Variants in STAG2 observed in about 807,000 individuals in gnomAD.
STAG2 encodes cohesin subunit SA-2.
Under a neutral mutation model 108.1 loss-of-function variants are expected in STAG2, and 14 were observed. The ratio of observed to expected loss-of-function variants is 0.13; its 90% confidence interval spans 0.09 to 0.20. STAG2 has a LOEUF of 0.20. STAG2 is among the 10% of genes least tolerant of loss of function. The probability of loss-of-function intolerance (pLI) is 1.00; values close to 1 mark genes in which losing one functional copy is unlikely to be tolerated. For missense variants in STAG2, 440 were observed against 940.9 expected (o/e 0.47, Z 6.96); for synonymous variants, 307 against 302.7 (o/e 1.01, Z -0.15).
intron 30 of STAG2, among the ~76,000 whole-genome samples, 173 bp from the exon 31 acceptor site, chrX:124,090,402 G>A (rs1032676629): frequency 9.1e-6 from 1 of 109,673 alleles, no homozygotes; most frequent in African/African-American, 3.3e-5. Context: ...GTTTTGTGTC[G>A]CAACTAGACT....
Position 124,102,154 on chromosome X carries a change from G to T in STAG2, c.*1557G>T, listed in dbSNP as rs1003773053. 7.6e-5 allele frequency: 12 copies of T among 158,134 alleles called. No homozygotes were observed. The highest frequency in any genetic ancestry group is 1.4e-4 in the Non-Finnish European group (11 of 81,119). The allele number at this position is 158,134 out of a possible 1,213,427, so 13.0% of individuals were successfully genotyped here. A position where few individuals can be genotyped will look rare whatever the true frequency, so the allele number is the denominator to read the frequency against. On this transcript the variant is annotated 3_prime_UTR_variant, in exon 35 of 35. Coordinates refer to ENST00000371145, the MANE Select transcript of STAG2 (RefSeq NM_001042750.2). Reference sequence around the variant, plus strand: ...GATACAATTATTTTATTAAGTCATGGTTAATAACAAATGAATCCAGACTTG... The same window carrying T: ...GATACAATTATTTTATTAAGTCATGTTTAATAACAAATGAATCCAGACTTG...
chrX:124,063,805 C>G, intron 19 of STAG2, 43 bp from the exon 20 acceptor site: 1 of 1,139,451 alleles, frequency 8.8e-7, no homozygotes, highest in African/African-American at 1.8e-5. Flanking sequence ...TTATACCTAT[C>G]ATATATGCCT....
intron 10 of STAG2, among the ~76,000 whole-genome samples, chrX:124,049,353 C>G (rs897191288): frequency 2.7e-5 from 3 of 111,592 alleles, no homozygotes; most frequent in African/African-American, 9.8e-5. Context: ...ACTTAATTGC[C>G]TTTGGATGCA....
intron 3 of STAG2, among the ~76,000 whole-genome samples, chrX:124,023,357 AAG>A (rs1162319010): frequency 9.0e-6 from 1 of 111,407 alleles, no homozygotes; most frequent in Non-Finnish European, 1.9e-5. Flanking sequence ...TTGACTTGAA[AAG>A]AGAGTTTAGT....
chrX:124,087,376 A>G (rs1391948979), intron 30 of STAG2, among the ~76,000 whole-genome samples: 1 of 112,068 alleles, frequency 8.9e-6, no homozygotes, highest in Non-Finnish European at 1.9e-5. Context: ...CATAGTTGTC[A>G]AAATTTGTCC....
intron 29 of STAG2, among the ~76,000 whole-genome samples, chrX:124,086,091 C>T (rs937873873): frequency 3.6e-5 from 4 of 110,329 alleles, no homozygotes; most frequent in African/African-American, 9.9e-5. Flanking sequence ...TCCTTTCTTT[C>T]GTCACCTGTA....
At chrX:124,041,846 A>G (rs1359317930) in intron 6 of STAG2, among the ~76,000 whole-genome samples, 1 of 111,310 alleles carries the variant, frequency 9.0e-6, no homozygotes, top group Non-Finnish European at 1.9e-5. Flanking sequence ...TCCTTATCAA[A>G]TTGTTTCTCT....
chrX:124,021,644 G>GT (rs1187436357), intron 2 of STAG2, among the ~76,000 whole-genome samples: 2 of 111,775 alleles, frequency 1.8e-5, no homozygotes, highest in Admixed American at 1.9e-4. Flanking sequence ...TAAATTGATC[G>GT]TAAGTTCCTT....
At chrX:124,063,034 G>T in intron 18 of STAG2, 40 bp downstream of exon 18, 1 of 1,177,143 alleles carries the variant, frequency 8.5e-7, no homozygotes, top group Non-Finnish European at 1.2e-6. Flanking sequence ...TAAGAAATGA[G>T]TTTTTTTTCC....
At chrX:124,061,969 TTTTA>T (rs2058393352) in intron 17 of STAG2, 95 bp downstream of exon 17, 5 of 707,751 alleles carry the variant, frequency 7.1e-6, no homozygotes, top group Non-Finnish European at 1.0e-5. Flanking sequence ...AACAATTTTG[TTTTA>T]TTTTTCAGAC....
Position 124,022,588 on chromosome X carries a change from A to G in STAG2, c.-40A>G. 1 of 1,104,828 alleles carries G rather than the reference A, an allele frequency of 9.1e-7. No homozygotes were observed. Among genetic ancestry groups the G allele is most frequent in the Non-Finnish European group, 1.2e-6 (1 of 822,738 alleles). The allele number at this position is 1,104,828 out of a possible 1,213,427, so 91.1% of individuals were successfully genotyped here. A position where few individuals can be genotyped will look rare whatever the true frequency, so the allele number is the denominator to read the frequency against. On this transcript the variant is annotated 5_prime_UTR_variant, in exon 3 of 35. In the 5' UTR this introduces an upstream ATG that the reference lacks. Coordinates refer to ENST00000371145, the MANE Select transcript of STAG2 (RefSeq NM_001042750.2). ...ATTTTACCCACGTAAATATATGAATATATTTCTGACATTGAGGTGTTCCAG... is the reference window on the plus strand; with the variant it reads ...ATTTTACCCACGTAAATATATGAATGTATTTCTGACATTGAGGTGTTCCAG...
chrX:124,059,844 G>A (rs773118422), intron 15 of STAG2, among the ~76,000 whole-genome samples: 3 of 109,547 alleles, frequency 2.7e-5, no homozygotes, highest in East Asian at 5.8e-4. Context: ...TTAGAATTTT[G>A]TAGACAGTAG....
intron 1 of STAG2, among the ~76,000 whole-genome samples, chrX:123,986,168 ATG>A (rs1395376254): frequency 1.9e-5 from 2 of 106,924 alleles, no homozygotes; most frequent in Non-Finnish European, 3.8e-5. Context: ...TATGATACAT[ATG>A]TGATACATAT....
chrX:124,097,590 T>C (rs770978627), intron 34 of STAG2: 3 of 239,064 alleles, frequency 1.3e-5, no homozygotes, highest in Non-Finnish European at 2.6e-5. Flanking sequence ...GACTATCACT[T>C]TGAAATGAAA....
chrX:124,097,206 TAGA>T (rs1361761069), intron 34 of STAG2, among the ~76,000 whole-genome samples: 1 of 64,217 alleles, frequency 1.6e-5, no homozygotes, highest in African/African-American at 6.0e-5. Context: ...AAAAAAAAAG[TAGA>T]ATCTGCTTCA....
chrX:124,006,561 C>T (rs934420777), intron 1 of STAG2, among the ~76,000 whole-genome samples: 1 of 108,645 alleles, frequency 9.2e-6, no homozygotes, highest in Non-Finnish European at 1.9e-5. Flanking sequence ...GCCTCAGCCT[C>T]CCGAGTAGCT....
intron 14 of STAG2, among the ~76,000 whole-genome samples, chrX:124,056,589 C>T (rs181828235): frequency 0.011 from 1,151 of 107,723 alleles, 10 homozygotes; most frequent in African/African-American, 0.036. Flanking sequence ...AAAAATCAGC[C>T]GGGCCTGGTG....
intron 1 of STAG2, among the ~76,000 whole-genome samples, chrX:123,988,341 TTTC>T (rs781522876): frequency 1.1e-4 from 12 of 111,837 alleles, no homozygotes; most frequent in African/African-American, 2.3e-4. Flanking sequence ...ATTTTATTAT[TTTC>T]TTCTTCTTCT....
Position 124,057,984 on chromosome X carries a change from T to C in STAG2, c.1416+7T>C. ...TTTCTTTCTAGAAAGTGAGGTTAGT[T>C]GATAGTATTTATTTTATACTTAGGT... On this transcript the variant is annotated splice_region_variant and intron_variant, in intron 15 of 34. Coordinates refer to ENST00000371145, the MANE Select transcript of STAG2 (RefSeq NM_001042750.2). The C allele has an allele frequency of 8.8e-7, 1 of 1,136,169 alleles. No individual in the cohort carries two copies. The highest frequency in any genetic ancestry group is 1.2e-6 in the Non-Finnish European group (1 of 844,958). The allele number at this position is 1,136,169 out of a possible 1,213,427, so 93.6% of individuals were successfully genotyped here.
Sources: allele counts gnomAD v4.1 joint callset (sites outside exome capture counted in the v4.1 genomes callset), GRCh38; gene constraint gnomAD v4.1.1; transcripts MANE v1.5; gene names NCBI Gene and HGNC (gene_info 2026-07-23, HGNC 2026-07-21).